Variants in ATP8B4 observed in about 807,000 individuals in gnomAD.
ATP8B4 encodes probable phospholipid-transporting ATPase IM.
In ATP8B4, 133 loss-of-function variants were observed where a neutral mutation model predicts 145.6. The observed-to-expected ratio is 0.91, with a 90% CI of 0.79 to 1.05. ATP8B4 has a LOEUF of 1.05. Among genes scored for constraint, ATP8B4 ranks in the 50% least tolerant of loss-of-function variants. The pLI is 0.00. For missense variants in ATP8B4, 1,458 were observed against 1,425.2 expected (o/e 1.02, Z -0.37); for synonymous variants, 507 against 492.9 (o/e 1.03, Z -0.38).
At chr15:50,135,531 A>T (rs748924092) in intron 1 of ATP8B4, among the ~76,000 whole-genome samples, 6 of 152,186 alleles carry the variant, frequency 3.9e-5, no homozygotes, top group Non-Finnish European at 7.3e-5. Flanking sequence ...ATGTGCACAT[A>T]TGGCCACGCC....
At chr15:49,917,812 T>C (rs555912775) in intron 19 of ATP8B4, among the ~76,000 whole-genome samples, 2 of 152,146 alleles carry the variant, frequency 1.3e-5, no homozygotes, top group Non-Finnish European at 2.9e-5. Context: ...ATTGATAAAA[T>C]CTCAGCATAT....
At chr15:50,095,299 A>G (rs1229476500) in intron 2 of ATP8B4, among the ~76,000 whole-genome samples, 1 of 152,206 alleles carries the variant, frequency 6.6e-6, no homozygotes, top group East Asian at 1.9e-4. Context: ...GAATATTAGC[A>G]AAAGAAAGAG....
intron 14 of ATP8B4, among the ~76,000 whole-genome samples, chr15:49,935,917 T>C (rs2041697523): frequency 6.6e-6 from 1 of 152,190 alleles, no homozygotes; most frequent in African/African-American, 2.4e-5. Context: ...TCATCAATTA[T>C]AAACACTCCC....
intron 1 of ATP8B4, among the ~76,000 whole-genome samples, chr15:50,169,054 C>A (rs1035628399): frequency 6.6e-6 from 1 of 152,176 alleles, no homozygotes; most frequent in Non-Finnish European, 1.5e-5. Flanking sequence ...TGAGCTCAGA[C>A]AGGCCTAGCC....
chr15:50,043,959 C>CAA (rs71424043), intron 5 of ATP8B4, among the ~76,000 whole-genome samples: 17 of 74,990 alleles, frequency 2.3e-4, no homozygotes, highest in South Asian at 1.8e-3. Context: ...GACTCCGTTT[C>CAA]AAAAAAAAAA....
At chr15:50,172,660 GC>G (rs2044695792) in intron 1 of ATP8B4, among the ~76,000 whole-genome samples, 1 of 151,624 alleles carries the variant, frequency 6.6e-6, no homozygotes, top group Non-Finnish European at 1.5e-5. Context: ...GAAGTGAGGA[GC>G]TCCTCTTCCC....
At chr15:49,954,649 ATTT>A (rs1156391094) in intron 14 of ATP8B4, among the ~76,000 whole-genome samples, 2 of 152,118 alleles carry the variant, frequency 1.3e-5, no homozygotes, top group African/African-American at 2.4e-5. Flanking sequence ...AGTCAGAAAA[ATTT>A]TTGTTAAAAA....
At chr15:49,897,253 A>G in intron 23 of ATP8B4, 39 bp downstream of exon 23, 4 of 1,535,426 alleles carry the variant, frequency 2.6e-6, no homozygotes, top group Non-Finnish European at 2.7e-6. Flanking sequence ...TACAAAAACA[A>G]ACAAACAAAC....
At chr15:50,146,663 A>T (rs892325892) in intron 1 of ATP8B4, among the ~76,000 whole-genome samples, 3 of 152,236 alleles carry the variant, frequency 2.0e-5, no homozygotes, top group African/African-American at 7.2e-5. Flanking sequence ...GTTCAGCTAA[A>T]GACAGGGTCC....
intron 1 of ATP8B4, among the ~76,000 whole-genome samples, chr15:50,135,478 C>G (rs1205244435): frequency 6.6e-6 from 1 of 152,174 alleles, no homozygotes; most frequent in Non-Finnish European, 1.5e-5. Flanking sequence ...CCCAGAGCAT[C>G]TGACCTGTCA....
chr15:50,118,481 A>AC (rs1468103081), intron 1 of ATP8B4, among the ~76,000 whole-genome samples: 1 of 152,158 alleles, frequency 6.6e-6, no homozygotes, highest in Non-Finnish European at 1.5e-5. Flanking sequence ...CCACAAGAAA[A>AC]CCTGTGTTTC....
rs536336471 is a variant in ATP8B4, at chr15:50,173,052, G to A, written c.-43+9209C>T. On this transcript the variant is annotated intron_variant, in intron 1 of 3. Transcript: ENST00000558829. ...CGGGAGGTGGGGGCAGCCTCCGCCC[G>A]GCCAGCCTCCCCATCCGGGAGGTGG... is the stretch of plus-strand genomic sequence containing the variant. Among the ~76,000 whole-genome samples, 54 of 146,722 alleles carry A rather than the reference G, an allele frequency of 3.7e-4. No individual in the cohort carries two copies. The South Asian group carries it at 5.7e-3, about 15-fold the overall frequency.
At chr15:50,064,678 AAAATACCTGAGAC>A (rs1235148673) in intron 3 of ATP8B4, among the ~76,000 whole-genome samples, 1 of 152,146 alleles carries the variant, frequency 6.6e-6, no homozygotes, top group African/African-American at 2.4e-5. Flanking sequence ...CTACTATAAC[AAAATACCTGAGAC>A]TGGTAATTTA....
intron 13 of ATP8B4, among the ~76,000 whole-genome samples, 158 bp from the exon 14 acceptor site, chr15:49,962,178 T>A (rs1410715622): frequency 2.6e-5 from 4 of 152,248 alleles, no homozygotes; most frequent in African/African-American, 9.6e-5. Flanking sequence ...TTTCAAATTG[T>A]AACCATAAAC....
chr15:49,931,064 A>G, intron 16 of ATP8B4, 55 bp downstream of exon 16: 1 of 1,502,250 alleles, frequency 6.7e-7, no homozygotes, highest in Non-Finnish European at 9.0e-7. Context: ...ATCCTTGAAA[A>G]GCATAACCAC....
In ATP8B4 at chr15:49,898,059, T is replaced by C. The variant is rs756007693; in HGVS notation, c.2473+9A>G. 34 of 1,613,372 alleles carry C rather than the reference T, an allele frequency of 2.1e-5. No homozygotes were observed. Among genetic ancestry groups the C allele is most frequent in the Non-Finnish European group, 2.7e-5 (32 of 1,179,610 alleles). ...TGCAGCATACCCCATTGAGCAAATA[T>C]CCTCTTACTTTTAATCATGCTGACA... is the stretch of plus-strand genomic sequence containing the variant. On this transcript the variant is annotated intron_variant, in intron 22 of 27. Coordinates refer to ENST00000284509, the MANE Select transcript of ATP8B4 (RefSeq NM_024837.4).
intron 2 of ATP8B4, among the ~76,000 whole-genome samples, chr15:50,101,446 A>T (rs1289671857): frequency 6.6e-6 from 1 of 152,126 alleles, no homozygotes; most frequent in African/African-American, 2.4e-5. Flanking sequence ...AGCTATTCTC[A>T]TAACAGACAA....
chr15:49,998,621 T>C (rs1463960749), intron 8 of ATP8B4, among the ~76,000 whole-genome samples: 2 of 152,210 alleles, frequency 1.3e-5, no homozygotes, highest in South Asian at 2.1e-4. Flanking sequence ...TTTGAGTTCA[T>C]TGTAGATTCT....
In ATP8B4 at chr15:49,931,175, T is replaced by G; in HGVS notation, c.1586A>C (p.Tyr529Ser). ...GAAATCCAAAAAGGCAAGTAATTGA[T>G]AAGTAACTAGTGTTCCCAATTCTTC... Reference protein sequence around the residue: ...TIEELGTLVTYQLLAFLDFNN... With the variant: ...TIEELGTLVTSQLLAFLDFNN... Residue 529 changes from tyrosine (Y) to serine (S), a missense_variant, in exon 16 of 28, where the codon TAT becomes TCT. Transcript: ENST00000284509. 2 of 1,612,526 alleles carry G rather than the reference T, an allele frequency of 1.2e-6. No homozygotes were observed. Among genetic ancestry groups the G allele is most frequent in the Non-Finnish European group, 1.7e-6 (2 of 1,179,034 alleles).
Sources: gnomAD v4.1 joint callset for allele counts (sites outside exome capture counted in the v4.1 genomes callset) on GRCh38, gnomAD v4.1.1 for gene constraint, MANE v1.5 for transcripts, NCBI Gene and HGNC (gene_info 2026-07-23, HGNC 2026-07-21) for gene names.